The following ZNF560 variants were observed in gnomAD, a reference collection of about 807,000 sequenced individuals.
ZNF560 encodes the protein zinc finger protein 560.
A neutral mutation model predicts 81.8 loss-of-function variants in ZNF560; 54 were observed. That is an observed-to-expected ratio of 0.66 (90% confidence interval 0.53 to 0.83). The LOEUF (loss-of-function observed/expected upper bound fraction) is 0.83, where lower values mean the gene tolerates loss of function less well. Ranked by LOEUF, ZNF560 falls within the 40% of genes least tolerant of loss-of-function variation. The pLI, the probability that ZNF560 is intolerant of heterozygous loss-of-function variation, is 0.00. For missense variants in ZNF560, 940 were observed against 932.4 expected (o/e 1.01, Z -0.11); for synonymous variants, 321 against 317.9 (o/e 1.01, Z -0.10).
Position 9,468,340 on chromosome 19 carries a change from A to G in ZNF560, c.613-6T>C. On this transcript the variant is annotated splice_polypyrimidine_tract_variant and splice_region_variant and intron_variant, in intron 9 of 9. Transcript: ENST00000301480. ...TCTCCATTTTGGTTTCTTGCCTGTTAACACAGGAATGAACAATAAAGGAAG... is the reference window on the plus strand; with the variant it reads ...TCTCCATTTTGGTTTCTTGCCTGTTGACACAGGAATGAACAATAAAGGAAG... 6.3e-7 allele frequency: 1 copy of G among 1,576,736 alleles called. No homozygotes were observed. Among genetic ancestry groups the G allele is most frequent in the Non-Finnish European group, 8.6e-7 (1 of 1,164,606 alleles).
downstream of ZNF560, among the ~76,000 whole-genome samples, chr19:9,465,316 A>G (rs1309886359): frequency 1.3e-5 from 2 of 152,080 alleles, no homozygotes; most frequent in Non-Finnish European, 2.9e-5. Flanking sequence ...TTTTTAGTAG[A>G]GACAGGGTTT....
chr19:9,467,025 G>A lies in ZNF560; in HGVS notation c.1922C>T (p.Ser641Phe), dbSNP rs1453907470. ...KDCGKAFVVS[S>F]SLVDHLRTHT... ...AGTTCTTAAATGATCAACTAGACTG[G>A]AGGAGACAACAAAGGCTTTCCCACA... Residue 641 changes from serine (S) to phenylalanine (F), a missense_variant, in exon 10 of 10, where the codon TCC (serine) becomes TTC (phenylalanine). Ser to Phe is a radical substitution (Grantham distance 155, BLOSUM62 -2). Transcript: ENST00000301480. The A allele has an allele frequency of 1.2e-6, 2 of 1,613,916 alleles. No individual in the cohort carries two copies. Among genetic ancestry groups the A allele is most frequent in the African/African-American group, 1.3e-5 (1 of 74,920 alleles).
chr19:9,476,375 C>T (rs1240411862), intron 2 of ZNF560, among the ~76,000 whole-genome samples: 8 of 152,098 alleles, frequency 5.3e-5, no homozygotes. Flanking sequence ...TCACTGCAAC[C>T]TCTGCCTCCC....
At chr19:9,452,468 A>G in the ZNF560 span, among the ~76,000 whole-genome samples, 3 of 152,204 alleles carry the variant, frequency 2.0e-5, no homozygotes, top group Admixed American at 6.5e-5. Flanking sequence ...CATCACAGCA[A>G]TATTCACAAT....
At chr19:9,468,791 A>C (rs2073076306) in intron 9 of ZNF560, among the ~76,000 whole-genome samples, 1 of 143,976 alleles carries the variant, frequency 6.9e-6, no homozygotes, top group Non-Finnish European at 1.5e-5. Context: ...GTGCAGTGGC[A>C]CGATCTCAGC....
chr19:9,474,121 A>C lies in ZNF560; in HGVS notation c.157+78T>G. 5 of 1,550,346 alleles carry C rather than the reference A, an allele frequency of 3.2e-6. No homozygotes were observed. The South Asian group carries it at 5.6e-5, about 17-fold the overall frequency. On this transcript the variant is annotated intron_variant, in intron 4 of 9. Transcript: ENST00000301480. The stretch of plus-strand genomic sequence containing the variant: ...GTCTCTGGTGAATTCAGTGTTGAAC[A>C]AACCAATTCTGGAACACAGCAAGTA...
At chr19:9,486,518 T>A (rs1035618083) in intron 2 of ZNF560, among the ~76,000 whole-genome samples, 13 of 152,166 alleles carry the variant, frequency 8.5e-5, no homozygotes, top group African/African-American at 3.1e-4. Context: ...GGCAGGTGGA[T>A]CACCTGAGGT....
rs745759674 is a variant in ZNF560 at position 9,471,342 on chromosome 19, A to G, written c.275T>C (p.Leu92Pro). The G allele has an allele frequency of 2.1e-4, 335 of 1,599,098 alleles. 1 individual carries two copies. Among genetic ancestry groups the G allele is most frequent in the Non-Finnish European group, 2.8e-4 (327 of 1,174,126 alleles). Residue 92 changes from leucine to proline, a missense_variant, in exon 6 of 10, where the codon CTG (leucine) becomes CCG (proline). Transcript: ENST00000301480. ...AIKHQTSVSA[L>P]QQEFWKIQTS... ...TTGTATTTTCCAAAACTCCTGCTGCAGTGCTGAAACACTGGTTTGATGTTT... is the reference window on the plus strand; with the variant it reads ...TTGTATTTTCCAAAACTCCTGCTGCGGTGCTGAAACACTGGTTTGATGTTT...
At chr19:9,469,234 G>A (rs1354144984) in intron 8 of ZNF560, 47 bp from the exon 9 acceptor site, 1 of 1,398,674 alleles carries the variant, frequency 7.1e-7, no homozygotes, top group Non-Finnish European at 9.7e-7. Context: ...ACATGAAATG[G>A]TAGGTTAAAT....
In ZNF560 at chr19:9,466,794, CCA is replaced by C. The variant is rs762507991; in HGVS notation, c.2151_2152del (p.Cys717TrpfsTer12). The C allele has an allele frequency of 6.2e-7, 1 of 1,614,112 alleles. No homozygotes were observed. Among genetic ancestry groups the C allele is most frequent in the Non-Finnish European group, 8.5e-7 (1 of 1,180,008 alleles). On this transcript the variant is annotated frameshift_variant, in exon 10 of 10. Coordinates refer to ENST00000301480, the MANE Select transcript of ZNF560 (RefSeq NM_152476.3). LOFTEE classifies it high-confidence loss of function. ...ATCTGAATGACAAGTGAAGGCTTTC[CCA>C]CAGTCCTTACATTTATAGGGTTTTA...
the ZNF560 span, among the ~76,000 whole-genome samples, chr19:9,454,546 G>A: frequency 6.6e-6 from 1 of 152,260 alleles, no homozygotes; most frequent in Admixed American, 6.5e-5. Flanking sequence ...GGTAACAATG[G>A]GACAAGGGTC....
downstream of ZNF560, among the ~76,000 whole-genome samples, chr19:9,463,569 GCAA>G (rs1289334522): frequency 6.6e-6 from 1 of 152,154 alleles, no homozygotes; most frequent in Non-Finnish European, 1.5e-5. Context: ...ACAGTTAAAC[GCAA>G]CAAAGATGGG....
downstream of ZNF560, among the ~76,000 whole-genome samples, chr19:9,464,906 CAT>C: frequency 6.6e-6 from 1 of 152,190 alleles, no homozygotes; most frequent in South Asian, 2.1e-4. Context: ...CCCAGTTTCT[CAT>C]AAGTGTGAAT....
chr19:9,468,023 T>G lies in ZNF560; in HGVS notation c.924A>C (p.Glu308Asp). 6.2e-7 allele frequency: 1 copy of G among 1,614,180 alleles called. No individual in the cohort carries two copies. Among genetic ancestry groups the G allele is most frequent in the Non-Finnish European group, 8.5e-7 (1 of 1,180,022 alleles). The change falls in exon 10 of 10, where the codon GAA becomes GAC. Residue 308 changes from glutamate to aspartate, a missense_variant. Physicochemically the swap from Glu to Asp is conservative, Grantham distance 45 (BLOSUM62 2). Coordinates refer to ENST00000301480, the MANE Select transcript of ZNF560 (RefSeq NM_152476.3). ...GKAFIYQSYL[E>D]AHRKTQSGEK... ...CTCCACTCTGAGTTTTCCTGTGTGC[T>G]TCAAGGTATGACTGATAAATGAAGG...
intron 2 of ZNF560, among the ~76,000 whole-genome samples, chr19:9,493,039 G>A (rs1260963402): frequency 6.6e-6 from 1 of 152,152 alleles, no homozygotes; most frequent in African/African-American, 2.4e-5. Flanking sequence ...TAACTGAAGG[G>A]ATTAATCTCA....
chr19:9,495,914 A>G (rs1475830878), intron 2 of ZNF560, among the ~76,000 whole-genome samples: 1 of 152,184 alleles, frequency 6.6e-6, no homozygotes, highest in African/African-American at 2.4e-5. Context: ...AAAACAAACT[A>G]AAGTCTGTTC....
At position 9,466,467 on chromosome 19, in the gene ZNF560, C is replaced by T. The variant is rs2144681076; in HGVS notation, c.*107G>A. The T allele has an allele frequency of 9.7e-7, 1 of 1,033,248 alleles. No individual in the cohort carries two copies. The highest frequency in any genetic ancestry group is 2.5e-5 in the East Asian group (1 of 40,606). 64.0% of individuals were successfully genotyped at this position (1,033,248 alleles called of 1,614,324 possible). The stretch of plus-strand genomic sequence containing the variant: ...TCAACTGTTCAGGCTTTCTCACATT[C>T]CTTACATTGATAGTGTTACTTTCTC... On this transcript the variant is annotated 3_prime_UTR_variant, in exon 10 of 10. Transcript: ENST00000301480.
chr19:9,463,963 A>G (rs1384645901), downstream of ZNF560, among the ~76,000 whole-genome samples: 1 of 152,208 alleles, frequency 6.6e-6, no homozygotes, highest in Non-Finnish European at 1.5e-5. Context: ...GATTACAGGC[A>G]TAAGCTATTA....
chr19:9,502,865 A>T (rs1030705496), upstream of ZNF560, among the ~76,000 whole-genome samples: 1 of 152,008 alleles, frequency 6.6e-6, no homozygotes, highest in Admixed American at 6.6e-5. Flanking sequence ...ATCTAGGTGA[A>T]GTTTTTCAAT....
Sources: allele counts gnomAD v4.1 joint callset (sites outside exome capture counted in the v4.1 genomes callset), GRCh38; gene constraint gnomAD v4.1.1; transcripts MANE v1.5; gene names NCBI Gene and HGNC (gene_info 2026-07-23, HGNC 2026-07-21).